Variants in IQSEC1 observed in about 807,000 individuals in gnomAD.
IQSEC1 encodes IQ motif and Sec7 domain ArfGEF 1, also known as IQ motif and SEC7 domain-containing protein 1.
IQSEC1 carries 31 observed loss-of-function variants against 91.0 expected under a neutral mutation model. The ratio of observed to expected loss-of-function variants is 0.34; its 90% CI spans 0.26 to 0.46. The LOEUF (loss-of-function observed/expected upper bound fraction) is 0.46. Ranked by LOEUF, IQSEC1 falls within the 20% of genes least tolerant of loss-of-function variation. IQSEC1 has a pLI of 1.00. For missense variants in IQSEC1, 1,388 were observed against 1,575.6 expected (o/e 0.88, Z 2.02); for synonymous variants, 699 against 662.6 (o/e 1.05, Z -0.84).
At chr3:13,253,065 T>C (rs1222480992) in intron 1 of IQSEC1, among the ~76,000 whole-genome samples, 1 of 152,210 alleles carries the variant, frequency 6.6e-6, no homozygotes, top group Non-Finnish European at 1.5e-5. Context: ...GTAGCCACCC[T>C]GGTGGGTGTG....
chr3:13,269,497 C>T (rs1057405576), intron 1 of IQSEC1, among the ~76,000 whole-genome samples: 5 of 152,198 alleles, frequency 3.3e-5, no homozygotes, highest in African/African-American at 1.2e-4. Context: ...CCACTCCCAT[C>T]CCCTACCCAG....
chr3:12,954,932 G>A (rs1257281710), intron 1 of IQSEC1, among the ~76,000 whole-genome samples: 1 of 152,340 alleles, frequency 6.6e-6, no homozygotes, highest in South Asian at 2.1e-4. Flanking sequence ...CTGGCTGGCT[G>A]TCTTCTTCTC....
chr3:13,081,099 G>GT (rs1301314116), intron 2 of IQSEC1, among the ~76,000 whole-genome samples: 2 of 152,078 alleles, frequency 1.3e-5, no homozygotes, highest in Admixed American at 1.3e-4. Flanking sequence ...TGATGACTGC[G>GT]TAAAAAAAAG....
chr3:12,936,724 C>T, intron 2 of IQSEC1, 27 bp from the exon 3 acceptor site: 1 of 1,541,508 alleles, frequency 6.5e-7, no homozygotes, highest in South Asian at 1.2e-5. Context: ...AGAATGAGAA[C>T]AGCACTGCAT....
At chr3:13,146,646 C>A (rs1275422673) in intron 2 of IQSEC1, among the ~76,000 whole-genome samples, 1 of 152,200 alleles carries the variant, frequency 6.6e-6, no homozygotes, top group Admixed American at 6.5e-5. Context: ...TTGAGACCAG[C>A]CTGGCCAATA....
intron 1 of IQSEC1, among the ~76,000 whole-genome samples, chr3:13,252,353 A>T (rs7643805): frequency 0.11 from 16,895 of 152,136 alleles, 1,661 homozygotes; most frequent in African/African-American, 0.27. Flanking sequence ...ATTCATCCAC[A>T]CTGTAGCATG....
chr3:12,902,658 C>CAAAAAAAAACCAAAAAAA, intron 13 of IQSEC1, 115 bp downstream of exon 13: 1 of 268,416 alleles, frequency 3.7e-6, no homozygotes, highest in African/African-American at 5.0e-5. Flanking sequence ...AAAAAAACAA[C>CAAAAAAAAACCAAAAAAA]AAAAAAAAAA....
intron 2 of IQSEC1, among the ~76,000 whole-genome samples, chr3:13,096,192 C>T (rs375860830): frequency 6.6e-6 from 1 of 152,200 alleles, no homozygotes; most frequent in Non-Finnish European, 1.5e-5. Context: ...CATTCAGACA[C>T]GTATTGAGCA....
In IQSEC1 at chr3:12,970,743, T is replaced by A. The variant is rs1314724334; in HGVS notation, c.24-28878A>T. ...TAGGACCTTGGTTTTCAGCTTCCTATGTCACTGCTCCCAGAAAGACACCCA... is the reference window on the plus strand; with the variant it reads ...TAGGACCTTGGTTTTCAGCTTCCTAAGTCACTGCTCCCAGAAAGACACCCA... On this transcript the variant is annotated intron_variant, in intron 1 of 13. Transcript: ENST00000613206. This position sits in a 1 kb window ranked among gnomAD's most constrained non-coding sequence, Gnocchi z 4.4. 6.6e-6 allele frequency among the ~76,000 whole-genome samples: 1 copy of A among 152,222 alleles called. No individual in the cohort carries two copies. The highest frequency in any genetic ancestry group is 1.5e-5 in the Non-Finnish European group (1 of 68,042).
chr3:12,959,980 G>GA (rs1489978706), intron 1 of IQSEC1, among the ~76,000 whole-genome samples: 1 of 152,132 alleles, frequency 6.6e-6, no homozygotes, highest in East Asian at 1.9e-4. Flanking sequence ...GGCCCAGAGG[G>GA]AACAGAGAAT....
rs994180213 is a variant in IQSEC1 at position 12,979,985 on chromosome 3, C to A, written c.24-38120G>T. On this transcript the variant is annotated intron_variant, in intron 1 of 13. Transcript: ENST00000613206. The surrounding 1 kb of genome is among the most constrained non-coding windows in gnomAD (Gnocchi z 4.3). ...AAGGCAGCCTGGTGCCAGGGGCATGCAGCTGGAGGCCTCCACGTCCTGTTC... is the reference window on the plus strand; with the variant it reads ...AAGGCAGCCTGGTGCCAGGGGCATGAAGCTGGAGGCCTCCACGTCCTGTTC... 6.6e-6 allele frequency among the ~76,000 whole-genome samples: 1 copy of A among 152,202 alleles called. No homozygotes were observed. Among genetic ancestry groups the A allele is most frequent in the Admixed American group, 6.5e-5 (1 of 15,278 alleles).
intron 1 of IQSEC1, among the ~76,000 whole-genome samples, chr3:12,971,022 T>C (rs145429182): frequency 2.0e-3 from 298 of 152,346 alleles, no homozygotes; most frequent in African/African-American, 6.9e-3. Context: ...TAAAGGTTTA[T>C]TGGAACAGAG....
Position 12,922,066 on chromosome 3 carries a change from C to A in IQSEC1, c.1853+54G>T. 1 of 1,514,054 alleles carries A rather than the reference C, an allele frequency of 6.6e-7. No individual in the cohort carries two copies. The allele number at this position is 1,514,054 out of a possible 1,614,324, so 93.8% of individuals were successfully genotyped here. A position where few individuals can be genotyped will look rare whatever the true frequency, so the allele number is the denominator to read the frequency against. On this transcript the variant is annotated intron_variant, in intron 5 of 13. Coordinates refer to ENST00000613206, the MANE Select transcript of IQSEC1 (RefSeq NM_001134382.3). The surrounding 1 kb of genome is among the most constrained non-coding windows in gnomAD (Gnocchi z 5.1). ...TTTGGTCCATCCTCGGGCCCTGAAG[C>A]TGGGGGACACCATTCTTCCCTGATG...
At chr3:13,081,633 A>G (rs1178940947) in intron 2 of IQSEC1, among the ~76,000 whole-genome samples, 1 of 152,228 alleles carries the variant, frequency 6.6e-6, no homozygotes, top group Admixed American at 6.5e-5. Context: ...AGTAAAATAT[A>G]TTACTACAAA....
intron 2 of IQSEC1, among the ~76,000 whole-genome samples, chr3:13,097,519 G>C (rs1233552237): frequency 6.6e-6 from 1 of 152,154 alleles, no homozygotes; most frequent in Non-Finnish European, 1.5e-5. Context: ...CTGCCAGCTC[G>C]AGCCTCAGTC....
At chr3:13,182,553 A>G (rs1436838489) in intron 1 of IQSEC1, among the ~76,000 whole-genome samples, 1 of 152,182 alleles carries the variant, frequency 6.6e-6, no homozygotes, top group East Asian at 1.9e-4. Flanking sequence ...GTGGTGGATA[A>G]TGAGTGGATA....
At chr3:12,923,944 G>A (rs1171765586) in intron 4 of IQSEC1, among the ~76,000 whole-genome samples, 4 of 152,254 alleles carry the variant, frequency 2.6e-5, no homozygotes, top group African/African-American at 9.6e-5. Context: ...CAAGTAGCCG[G>A]GAGTGCTATG....
chr3:12,971,777 A>G (rs1700910273), intron 1 of IQSEC1, among the ~76,000 whole-genome samples: 1 of 152,164 alleles, frequency 6.6e-6, no homozygotes, highest in Non-Finnish European at 1.5e-5. Context: ...TTAAAAACCC[A>G]GTTATGGGCC....
At position 13,008,613 on chromosome 3, in the gene IQSEC1, G is replaced by A. The variant is rs771904982; in HGVS notation, c.23+64379C>T. Among the ~76,000 whole-genome samples the A allele has an allele frequency of 6.6e-6, 1 of 152,144 alleles. No individual in the cohort carries two copies. Among genetic ancestry groups the A allele is most frequent in the Non-Finnish European group, 1.5e-5 (1 of 68,030 alleles). On this transcript the variant is annotated intron_variant, in intron 1 of 13. Transcript: ENST00000613206. This position sits in a 1 kb window ranked among gnomAD's most constrained non-coding sequence, Gnocchi z 4.1. ...CCTGACTGTGATGTTGGAAATGCTCGTTTGTGTGTTTGTTTACTTGTCACC... is the reference window on the plus strand; with the variant it reads ...CCTGACTGTGATGTTGGAAATGCTCATTTGTGTGTTTGTTTACTTGTCACC...
Sources: allele counts gnomAD v4.1 joint callset (sites outside exome capture counted in the v4.1 genomes callset), GRCh38; gene constraint gnomAD v4.1.1; non-coding constraint Gnocchi (gnomAD v3.1); transcripts MANE v1.5; gene names NCBI Gene and HGNC (gene_info 2026-07-23, HGNC 2026-07-21).